The following ANK2 variants were observed in gnomAD, a reference collection of about 807,000 sequenced individuals.
The protein encoded by ANK2 is ankyrin-2.
A neutral mutation model predicts 360.5 loss-of-function variants in ANK2; 83 were observed. The observed-to-expected ratio is 0.23, with a 90% CI of 0.19 to 0.28. The LOEUF is 0.28. Among genes scored for constraint, ANK2 ranks in the 10% least tolerant of loss-of-function variants. ANK2 has a pLI of 1.00. For missense variants in ANK2, 4,201 were observed against 4,795.7 expected (o/e 0.88, Z 3.66); for synonymous variants, 1,740 against 1,759.5 (o/e 0.99, Z 0.28).
At chr4:112,770,383 C>T in the ANK2 span, among the ~76,000 whole-genome samples, 13 of 152,140 alleles carry the variant, frequency 8.5e-5, no homozygotes, top group Non-Finnish European at 1.8e-4. Flanking sequence ...CCATTCACTA[C>T]CTTTACATTT....
chr4:112,779,988 C>T, the ANK2 span, among the ~76,000 whole-genome samples: 6 of 151,916 alleles, frequency 3.9e-5, no homozygotes, highest in East Asian at 1.9e-4. Flanking sequence ...TTTGGGAGGC[C>T]GAGGTGGGCG....
chr4:113,337,819 T>A (rs1156441988), intron 31 of ANK2, among the ~76,000 whole-genome samples: 1 of 152,160 alleles, frequency 6.6e-6, no homozygotes. Flanking sequence ...TTTCTGGGTA[T>A]CTTTCCCATA....
At chr4:113,033,465 G>A (rs1230218779) in intron 2 of ANK2, among the ~76,000 whole-genome samples, 1 of 151,842 alleles carries the variant, frequency 6.6e-6, no homozygotes, top group African/African-American at 2.4e-5. Flanking sequence ...AGGAAACACA[G>A]AGAAATACCC....
intron 4 of ANK2, chr4:113,214,392 A>G: frequency 7.6e-6 from 7 of 918,292 alleles, no homozygotes; most frequent in South Asian, 1.3e-5. Flanking sequence ...TTTCTTTGTC[A>G]TCTTGGAGGC....
chr4:112,915,757 A>AAAT (rs1264313911), intron 2 of ANK2, among the ~76,000 whole-genome samples: 1 of 150,862 alleles, frequency 6.6e-6, no homozygotes, highest in African/African-American at 2.5e-5. Context: ...TCTGTTTCAA[A>AAAT]AAAAAAATAA....
intron 34 of ANK2, among the ~76,000 whole-genome samples, chr4:113,343,587 G>T (rs2094514140): frequency 6.6e-6 from 1 of 152,148 alleles, no homozygotes; most frequent in Non-Finnish European, 1.5e-5. Flanking sequence ...ATCTGCAATA[G>T]AGCTATAGAC....
intron 1 of ANK2, among the ~76,000 whole-genome samples, chr4:113,126,678 G>C (rs2095680041): frequency 6.6e-6 from 1 of 152,042 alleles, no homozygotes; most frequent in Admixed American, 6.6e-5. Context: ...TGGGGAGAAG[G>C]GAGACAACAA....
At chr4:112,780,584 G>A in the ANK2 span, among the ~76,000 whole-genome samples, 18 of 152,174 alleles carry the variant, frequency 1.2e-4, no homozygotes, top group African/African-American at 3.9e-4. Flanking sequence ...TATTGGATTA[G>A]GCTGTTCTTA....
chr4:112,798,156 T>C, the ANK2 span: 111,725 of 153,300 alleles, frequency 0.73, 41,622 homozygotes, highest in East Asian at 0.97. Context: ...GAATCTGTAA[T>C]ATTCTGGCCG....
intron 1 of ANK2, among the ~76,000 whole-genome samples, chr4:112,860,697 T>A (rs775028175): frequency 6.6e-6 from 1 of 152,070 alleles, no homozygotes; most frequent in African/African-American, 2.4e-5. Flanking sequence ...AGTTAGTGGG[T>A]TTAATGAGTA....
At chr4:113,211,691 G>A (rs2099023913) in intron 4 of ANK2, among the ~76,000 whole-genome samples, 1 of 152,082 alleles carries the variant, frequency 6.6e-6, no homozygotes, top group African/African-American at 2.4e-5. Flanking sequence ...GAGACATTGT[G>A]TCCATAACAC....
At chr4:112,967,382 C>A (rs902607617) in intron 2 of ANK2, among the ~76,000 whole-genome samples, 3 of 152,188 alleles carry the variant, frequency 2.0e-5, no homozygotes, top group Non-Finnish European at 4.4e-5. Flanking sequence ...TAATCATGTG[C>A]CAGAGCTGAA....
chr4:113,135,112 T>A (rs1199058062), intron 1 of ANK2, among the ~76,000 whole-genome samples: 2 of 152,050 alleles, frequency 1.3e-5, no homozygotes, highest in Non-Finnish European at 2.9e-5. Context: ...TGTGAGTATT[T>A]ATTGTAGGCT....
At chr4:113,314,392 C>T (rs1007626951) in intron 24 of ANK2, among the ~76,000 whole-genome samples, 1 of 152,162 alleles carries the variant, frequency 6.6e-6, no homozygotes, top group Admixed American at 6.5e-5. Flanking sequence ...ATTACACTTT[C>T]ATACCACCTA....
chr4:113,323,185 A>C (rs563876914), intron 26 of ANK2, among the ~76,000 whole-genome samples: 2 of 152,232 alleles, frequency 1.3e-5, no homozygotes, highest in South Asian at 4.2e-4. Context: ...AAAGCAGGAA[A>C]TGAAGTATTG....
Position 113,169,432 on chromosome 4 carries a change from C to T in ANK2, c.85-4984C>T, listed in dbSNP as rs191639179. 6.5e-4 allele frequency among the ~76,000 whole-genome samples: 99 copies of T among 152,200 alleles called. 1 individual carries two copies. The highest frequency in any genetic ancestry group is 2.2e-3 in the African/African-American group (90 of 41,534). On this transcript the variant is annotated intron_variant, in intron 1 of 45. Transcript: ENST00000357077. ...TATTTATTTTGTATTGCTATAAAAA[C>T]GCAGATCTCAGAGTAGCCAGGTAAA... is the stretch of plus-strand genomic sequence containing the variant.
At chr4:113,085,264 A>C (rs545203463) in intron 1 of ANK2, among the ~76,000 whole-genome samples, 1 of 152,260 alleles carries the variant, frequency 6.6e-6, no homozygotes, top group Admixed American at 6.5e-5. Context: ...GTATTTATAG[A>C]GTAGAATTCC....
intron 1 of ANK2, among the ~76,000 whole-genome samples, chr4:113,159,646 T>C (rs1268190350): frequency 2.0e-5 from 3 of 152,044 alleles, no homozygotes; most frequent in African/African-American, 7.2e-5. Flanking sequence ...TCTCGCTCTG[T>C]CACCCAGGCT....
intron 1 of ANK2, chr4:113,160,405 A>C: frequency 2.5e-6 from 1 of 400,088 alleles, no homozygotes; most frequent in Non-Finnish European, 4.9e-6. Context: ...ATCTTAGGCA[A>C]TGAGTTTCAG....
Sources: gnomAD v4.1 joint callset for allele counts (sites outside exome capture counted in the v4.1 genomes callset) on GRCh38, gnomAD v4.1.1 for gene constraint, MANE v1.5 for transcripts, NCBI Gene and HGNC (gene_info 2026-07-23, HGNC 2026-07-21) for gene names.